Variants in RUNX1 observed in about 807,000 individuals in gnomAD.
RUNX1 encodes the protein runt-related transcription factor 1.
In RUNX1, 19 loss-of-function variants were observed where a neutral mutation model predicts 42.8. That is an observed-to-expected ratio of 0.44 (90% CI 0.31 to 0.65). The LOEUF (loss-of-function observed/expected upper bound fraction) is 0.65, where lower values mean the gene tolerates loss of function less well. RUNX1 is among the 30% of genes least tolerant of loss of function. The pLI, the probability that RUNX1 is intolerant of heterozygous loss-of-function variation, is 0.07. For missense variants in RUNX1, 528 were observed against 672.0 expected (o/e 0.79, Z 2.37); for synonymous variants, 271 against 289.4 (o/e 0.94, Z 0.64).
chr21:34,993,519 A>ACG (rs981721905), intron 2 of RUNX1, among the ~76,000 whole-genome samples: 1 of 150,376 alleles, frequency 6.6e-6, no homozygotes, highest in Non-Finnish European at 1.5e-5. Context: ...ACACACACAC[A>ACG]CACACACATA....
intron 2 of RUNX1, chr21:35,038,690 A>G (rs982292789): frequency 6.6e-6 from 3 of 455,120 alleles, no homozygotes; most frequent in Non-Finnish European, 1.3e-5. Flanking sequence ...TTCTCCTGAG[A>G]GGCCACTTCT....
At chr21:34,878,770 A>G (rs2057853297) in intron 5 of RUNX1, among the ~76,000 whole-genome samples, 1 of 152,212 alleles carries the variant, frequency 6.6e-6, no homozygotes. Context: ...TCAGCCATCA[A>G]TGCCAGAAAA....
intron 2 of RUNX1, among the ~76,000 whole-genome samples, chr21:34,925,866 A>G (rs1404854752): frequency 6.6e-6 from 1 of 152,170 alleles, no homozygotes; most frequent in Non-Finnish European, 1.5e-5. Flanking sequence ...TGGAGATGGG[A>G]GTTCACAATA....
At chr21:34,880,822 T>C in intron 4 of RUNX1, 109 bp from the exon 5 acceptor site, 3 of 1,157,226 alleles carry the variant, frequency 2.6e-6, no homozygotes, top group Non-Finnish European at 3.8e-6. Flanking sequence ...CAATGATTTC[T>C]TTTTAGGTTG....
intron 3 of RUNX1, chr21:34,888,267 G>C (rs2058026955): frequency 1.9e-6 from 2 of 1,067,294 alleles, no homozygotes; most frequent in African/African-American, 1.6e-5. Context: ...AGCGGGCCTT[G>C]AGGGAGGGCT....
At chr21:35,011,790 G>A (rs565450805) in intron 2 of RUNX1, among the ~76,000 whole-genome samples, 2 of 152,130 alleles carry the variant, frequency 1.3e-5, no homozygotes, top group Non-Finnish European at 2.9e-5. Flanking sequence ...GGGCACCCTC[G>A]CTACCCCAAC....
chr21:35,024,032 T>C (rs1230264468), intron 2 of RUNX1, among the ~76,000 whole-genome samples: 1 of 151,890 alleles, frequency 6.6e-6, no homozygotes, highest in Non-Finnish European at 1.5e-5. Flanking sequence ...AATAAACAAA[T>C]AAATATTTAG....
intron 7 of RUNX1, among the ~76,000 whole-genome samples, chr21:34,822,899 T>C (rs574139351): frequency 6.6e-6 from 1 of 152,280 alleles, no homozygotes; most frequent in South Asian, 2.1e-4. Flanking sequence ...GGAAGTGCAA[T>C]CCCTAGTCAC....
intron 7 of RUNX1, among the ~76,000 whole-genome samples, chr21:34,799,809 T>G (rs989975137): frequency 6.6e-6 from 1 of 152,230 alleles, no homozygotes; most frequent in African/African-American, 2.4e-5. Flanking sequence ...ATCATATGAC[T>G]GCTGACATGA....
chr21:34,941,158 C>A (rs190464129), intron 2 of RUNX1, among the ~76,000 whole-genome samples: 20 of 152,338 alleles, frequency 1.3e-4, no homozygotes, highest in Middle Eastern at 3.4e-3. Context: ...CCTTCGTCCA[C>A]GATTGTGACA....
intron 2 of RUNX1, among the ~76,000 whole-genome samples, chr21:34,988,141 T>A (rs1251505137): frequency 6.6e-6 from 1 of 152,066 alleles, no homozygotes; most frequent in Non-Finnish European, 1.5e-5. Flanking sequence ...TCCCAAGACA[T>A]CCCTATTGCC....
At chr21:34,846,996 A>G (rs1425882093) in intron 6 of RUNX1, among the ~76,000 whole-genome samples, 7 of 152,162 alleles carry the variant, frequency 4.6e-5, no homozygotes, top group Non-Finnish European at 8.8e-5. Context: ...CTGAAATCAA[A>G]TCCAGAAATC....
chr21:34,851,810 CATTACCTGG>C (rs984901067), intron 6 of RUNX1, among the ~76,000 whole-genome samples: 32 of 152,332 alleles, frequency 2.1e-4, no homozygotes, highest in African/African-American at 5.5e-4. Flanking sequence ...TGGGTTTTCA[CATTACCTGG>C]AAGGAACTCT....
Position 34,891,733 on chromosome 21 carries a change from G to A in RUNX1, c.97+1192C>T, listed in dbSNP as rs75182273. 4.0e-3 allele frequency among the ~76,000 whole-genome samples: 603 copies of A among 151,844 alleles called. 1 individual carries two copies. Among genetic ancestry groups the A allele is most frequent in the African/African-American group, 0.012 (512 of 41,408 alleles). On this transcript the variant is annotated intron_variant, in intron 3 of 8. Transcript: ENST00000675419. ...AAAAAAAAAAAAAATACAACGAAGC[G>A]ATACGTTGGGCGGATGCTACGTGAC...
chr21:34,876,170 C>T (rs896420731), intron 5 of RUNX1, among the ~76,000 whole-genome samples: 1 of 152,190 alleles, frequency 6.6e-6, no homozygotes, highest in Non-Finnish European at 1.5e-5. Flanking sequence ...ACGAGGGAAG[C>T]GACTGTCCTT....
intron 2 of RUNX1, among the ~76,000 whole-genome samples, chr21:34,927,964 T>A (rs1005786313): frequency 2.6e-5 from 4 of 152,232 alleles, no homozygotes; most frequent in African/African-American, 7.2e-5. Context: ...CTATTTATCA[T>A]ACCAAATTAA....
intron 7 of RUNX1, among the ~76,000 whole-genome samples, chr21:34,809,304 C>T (rs1219025668): frequency 2.6e-5 from 4 of 152,002 alleles, no homozygotes; most frequent in African/African-American, 7.3e-5. Context: ...ACCTTTGCCC[C>T]GCTTAGTTCC....
At chr21:35,003,143 C>T (rs1310876497) in intron 2 of RUNX1, among the ~76,000 whole-genome samples, 2 of 152,312 alleles carry the variant, frequency 1.3e-5, no homozygotes, top group African/African-American at 4.8e-5. Flanking sequence ...TGTACTGCTC[C>T]TTGAATCAGA....
chr21:34,890,769 T>A (rs1433406761), intron 3 of RUNX1, among the ~76,000 whole-genome samples: 1 of 109,300 alleles, frequency 9.1e-6, no homozygotes, highest in Non-Finnish European at 1.7e-5. Context: ...ACTCTGTCCC[T>A]GAGAAGAGTG....
Sources: allele counts gnomAD v4.1 joint callset (sites outside exome capture counted in the v4.1 genomes callset), GRCh38; gene constraint gnomAD v4.1.1; transcripts MANE v1.5; gene names NCBI Gene and HGNC (gene_info 2026-07-23, HGNC 2026-07-21).